FOXP1: variants seen among roughly 807,000 people sequenced by gnomAD.
FOXP1 encodes forkhead box P1.
A neutral mutation model predicts 98.2 loss-of-function variants in FOXP1; 15 were observed. That is an observed-to-expected ratio of 0.15 (90% CI 0.10 to 0.24). FOXP1 has a LOEUF of 0.24. Ranked by LOEUF, FOXP1 falls within the 10% of genes least tolerant of loss-of-function variation. FOXP1 has a pLI of 1.00. For synonymous variants in FOXP1, 371 were observed against 314.5 expected (o/e 1.18, Z -1.90); for missense variants, 633 against 848.5 (o/e 0.75, Z 3.15).
At chr3:71,333,417 A>G (rs2076467665) in intron 4 of FOXP1, 1 of 152,248 alleles carries the variant, frequency 6.6e-6, no homozygotes, top group Non-Finnish European at 1.5e-5. Context: ...GGAACAGAAT[A>G]ACATCTTACA....
At chr3:71,270,887 C>A (rs1240527763) in intron 5 of FOXP1, among the ~76,000 whole-genome samples, 10 of 122,938 alleles carry the variant, frequency 8.1e-5, no homozygotes, top group African/African-American at 3.0e-4. Flanking sequence ...TTATATTCTC[C>A]CTCCCAAGGT....
intron 3 of FOXP1, among the ~76,000 whole-genome samples, chr3:71,365,175 GTCCTATGTAAAATAATGT>G (rs1245622544): frequency 2.0e-5 from 3 of 152,168 alleles, no homozygotes; most frequent in African/African-American, 7.2e-5. Context: ...ATTAAAATTT[GTCCTATGTAAAATAATGT>G]GAAATAGACT....
At chr3:71,166,994 G>A (rs1003401037) in intron 6 of FOXP1, among the ~76,000 whole-genome samples, 2 of 152,082 alleles carry the variant, frequency 1.3e-5, no homozygotes, top group South Asian at 4.1e-4. Flanking sequence ...ATCTTGTTCT[G>A]TGACAGGCAG....
intron 14 of FOXP1, among the ~76,000 whole-genome samples, chr3:70,981,554 G>T (rs1418991083): frequency 2.0e-5 from 3 of 152,232 alleles, no homozygotes; most frequent in African/African-American, 7.2e-5. Flanking sequence ...AGTGGTGCAA[G>T]ATGTCACTGG....
intron 6 of FOXP1, among the ~76,000 whole-genome samples, chr3:71,184,548 G>A (rs1023488741): frequency 2.0e-5 from 3 of 152,156 alleles, no homozygotes; most frequent in African/African-American, 4.8e-5. Context: ...CAGAGCTGGC[G>A]TGTACAGTGC....
intron 17 of FOXP1, 136 bp downstream of exon 17, chr3:70,976,805 C>T: frequency 1.5e-6 from 1 of 684,138 alleles, no homozygotes; most frequent in Non-Finnish European, 2.6e-6. Flanking sequence ...CAATCAAATA[C>T]ACCTAGAGAT....
chr3:71,542,865 A>G (rs941015185), intron 2 of FOXP1, among the ~76,000 whole-genome samples: 10 of 152,216 alleles, frequency 6.6e-5, no homozygotes, highest in Admixed American at 6.5e-4. Context: ...TGGGCTGCAG[A>G]TAACACAAAA....
Position 71,041,402 on chromosome 3 carries a change from G to A in FOXP1, c.795C>T (p.Ser265=), listed in dbSNP as rs1323679011. 3 of 1,613,840 alleles carry A rather than the reference G, an allele frequency of 1.9e-6. No homozygotes were observed. Among genetic ancestry groups the A allele is most frequent in the Non-Finnish European group, 1.7e-6 (2 of 1,179,838 alleles). The change falls in exon 11 of 21, where the codon TCC becomes TCT. Residue 265 remains serine, a synonymous_variant. Coordinates refer to ENST00000649528, the MANE Select transcript of FOXP1 (RefSeq NM_001349338.3). ...GTGGGTTCATTATTAAGGAGGTCTT[G>A]GAAGGTGCAGAGGAGGAGACACATG... ...TTTCVSSSAP[S]KTSLIMNPHA... is the part of the protein sequence containing the mutation.
chr3:71,124,905 A>C (rs578032951), intron 6 of FOXP1, among the ~76,000 whole-genome samples: 1 of 152,334 alleles, frequency 6.6e-6, no homozygotes, highest in Admixed American at 6.5e-5. Flanking sequence ...ACACTAAGAA[A>C]AGTTGCAGCA....
intron 2 of FOXP1, chr3:71,542,095 G>A (rs777738802): frequency 5.9e-6 from 3 of 508,708 alleles, no homozygotes; most frequent in Non-Finnish European, 1.2e-5. Context: ...AAAATCATGA[G>A]GTTTAAGCAG....
intron 5 of FOXP1, among the ~76,000 whole-genome samples, chr3:71,221,025 A>G (rs766154470): frequency 6.6e-6 from 1 of 152,006 alleles, no homozygotes. Context: ...AACTCATCCA[A>G]TCTCCACCCA....
rs186643486 is a variant in FOXP1, at chr3:71,515,381, A to G, written c.-297-21826T>C. Among the ~76,000 whole-genome samples the G allele has an allele frequency of 2.0e-3, 296 of 150,812 alleles. 1 individual carries two copies. The highest frequency in any genetic ancestry group is 7.0e-3 in the African/African-American group (287 of 41,042). On this transcript the variant is annotated intron_variant, in intron 2 of 20. Coordinates refer to ENST00000649528, the MANE Select transcript of FOXP1 (RefSeq NM_001349338.3). ...ACTAAGATGTGATTAAATTTAAAAG[A>G]AACGTTCAACTAAATGGTATACGCA...
At chr3:71,124,719 G>A (rs2059037394) in intron 6 of FOXP1, among the ~76,000 whole-genome samples, 1 of 151,980 alleles carries the variant, frequency 6.6e-6, no homozygotes, top group African/African-American at 2.4e-5. Flanking sequence ...ACATGTGTAG[G>A]TAAAGTCCTT....
intron 17 of FOXP1, among the ~76,000 whole-genome samples, chr3:70,973,239 C>CCCCCACCCCCG: frequency 7.2e-6 from 1 of 138,082 alleles, no homozygotes; most frequent in South Asian, 2.5e-4. Flanking sequence ...GGACCCCCCG[C>CCCCCACCCCCG]CCCCGCCCCG....
rs960852477 is a variant in FOXP1 at position 71,198,462 on chromosome 3, G to A, written c.-11-70C>T. On this transcript the variant is annotated intron_variant, in intron 5 of 20. Coordinates refer to ENST00000649528, the MANE Select transcript of FOXP1 (RefSeq NM_001349338.3). ...AAAAAAAGCAGCTGTTAAAGCAGTT[G>A]TTGTGCATAAGGAGAAGGGCCTTGG... 9 of 1,363,864 alleles carry A rather than the reference G, an allele frequency of 6.6e-6. No homozygotes were observed. The Admixed American group carries it at 1.2e-4, about 18-fold the overall frequency. The allele number at this position is 1,363,864 out of a possible 1,614,324, so 84.5% of individuals were successfully genotyped here.
chr3:71,330,842 C>G (rs1158915270), intron 4 of FOXP1, among the ~76,000 whole-genome samples: 3 of 152,178 alleles, frequency 2.0e-5, no homozygotes, highest in Non-Finnish European at 4.4e-5. Flanking sequence ...CTTGCTGAGT[C>G]CCCACATAAA....
chr3:71,126,414 G>A (rs560836124), intron 6 of FOXP1, among the ~76,000 whole-genome samples: 28 of 152,114 alleles, frequency 1.8e-4, no homozygotes, highest in African/African-American at 5.8e-4. Context: ...GCGTGAACCC[G>A]GAAGGCAGAG....
At chr3:71,550,254 C>T (rs2107665637) in intron 2 of FOXP1, among the ~76,000 whole-genome samples, 1 of 152,260 alleles carries the variant, frequency 6.6e-6, no homozygotes, top group African/African-American at 2.4e-5. Context: ...GATTATAAAT[C>T]ACATAGCAAA....
intron 10 of FOXP1, among the ~76,000 whole-genome samples, chr3:71,042,170 CTG>C (rs1340309647): frequency 1.3e-5 from 2 of 152,310 alleles, no homozygotes; most frequent in Admixed American, 1.3e-4. Flanking sequence ...TACTGAAAAA[CTG>C]TGTAACTTTT....
Sources: gnomAD v4.1 joint callset for allele counts (sites outside exome capture counted in the v4.1 genomes callset) on GRCh38, gnomAD v4.1.1 for gene constraint, MANE v1.5 for transcripts, NCBI Gene and HGNC (gene_info 2026-07-23, HGNC 2026-07-21) for gene names.